Variants in LYPLAL1 observed in about 807,000 individuals in gnomAD.
LYPLAL1 encodes lysophospholipase like 1.
In LYPLAL1, 23 loss-of-function variants were observed where a neutral mutation model predicts 19.7. The observed-to-expected ratio is 1.17, with a 90% CI of 0.84 to 1.65. LYPLAL1 has a LOEUF of 1.65. LYPLAL1 is among the 40% of genes most tolerant of loss of function. The pLI, the probability that LYPLAL1 is intolerant of heterozygous loss-of-function variation, is 0.00. For missense variants in LYPLAL1, 355 were observed against 279.4 expected, an observed-to-expected ratio of 1.27 and a Z score of -1.93; for synonymous variants, 119 against 96.3, an observed-to-expected ratio of 1.24 and a Z score of -1.38.
chr1:219,313,041 A>T, the LYPLAL1 span, among the ~76,000 whole-genome samples: 41 of 152,298 alleles, frequency 2.7e-4, no homozygotes, highest in Non-Finnish European at 5.6e-4. Flanking sequence ...TATTGTGACT[A>T]TGCCTTATCT....
the LYPLAL1 span, among the ~76,000 whole-genome samples, chr1:219,374,310 C>G: frequency 6.6e-6 from 1 of 151,958 alleles, no homozygotes; most frequent in Non-Finnish European, 1.5e-5. Context: ...CATTATTAAC[C>G]ATATGACCAT....
the LYPLAL1 span, among the ~76,000 whole-genome samples, chr1:219,346,460 ATTTT>A: frequency 2.6e-4 from 36 of 136,320 alleles, no homozygotes; most frequent in African/African-American, 9.4e-4. Flanking sequence ...GTCAATTTCT[ATTTT>A]TTTTTTTTTT....
the LYPLAL1 span, among the ~76,000 whole-genome samples, chr1:219,219,501 C>T: frequency 2.6e-5 from 4 of 152,194 alleles, no homozygotes; most frequent in Non-Finnish European, 5.9e-5. Flanking sequence ...TCAGTGTGGT[C>T]TTCTGGCCAT....
At chr1:219,205,334 G>A (rs1370625576) in intron 3 of LYPLAL1, among the ~76,000 whole-genome samples, 3 of 143,058 alleles carry the variant, frequency 2.1e-5, no homozygotes, top group Non-Finnish European at 4.5e-5. Flanking sequence ...TCCGCAGTCC[G>A]GCCTGGGCGA....
Position 219,174,136 on chromosome 1 carries a change from G to A in LYPLAL1, c.91+155G>A, listed in dbSNP as rs567002969. On this transcript the variant is annotated intron_variant, in intron 1 of 4. Coordinates refer to ENST00000366928, the MANE Select transcript of LYPLAL1 (RefSeq NM_138794.5). The stretch of plus-strand genomic sequence containing the variant: ...AGCCCCGGCTGTAGATGCACGGGCA[G>A]CGCCACCTGCCCCCAGCCTCCCCCG... 8 of 1,452,012 alleles carry A rather than the reference G, an allele frequency of 5.5e-6. No individual in the cohort carries two copies. The East Asian group carries it at 1.8e-4, about 32-fold the overall frequency. The allele number at this position is 1,452,012 out of a possible 1,614,324, so 89.9% of individuals were successfully genotyped here.
At chr1:219,333,541 G>T in the LYPLAL1 span, among the ~76,000 whole-genome samples, 1 of 152,006 alleles carries the variant, frequency 6.6e-6, no homozygotes, top group Non-Finnish European at 1.5e-5. Context: ...TCTCATTCTG[G>T]AGTAGGCCTT....
chr1:219,337,800 T>A, the LYPLAL1 span, among the ~76,000 whole-genome samples: 1 of 151,636 alleles, frequency 6.6e-6, no homozygotes, highest in Admixed American at 6.6e-5. Context: ...AGGACCAAAC[T>A]GTGTATTGCA....
At chr1:219,195,012 A>G (rs1022700425) in intron 3 of LYPLAL1, among the ~76,000 whole-genome samples, 2 of 152,080 alleles carry the variant, frequency 1.3e-5, no homozygotes, top group African/African-American at 4.8e-5. Context: ...ACGTGATGGC[A>G]TAATGGTGAC....
At chr1:219,443,915 G>A in the LYPLAL1 span, among the ~76,000 whole-genome samples, 1 of 152,150 alleles carries the variant, frequency 6.6e-6, no homozygotes, top group African/African-American at 2.4e-5. Context: ...CATTCCCATT[G>A]CAGGGCCCAC....
Position 219,210,667 on chromosome 1 carries a change from A to C in LYPLAL1, c.477+20A>C. On this transcript the variant is annotated intron_variant, in intron 4 of 4. Transcript: ENST00000366928. ...TACCAGGTAAGTTCCAGATTTAAAA[A>C]AAAATGAAAAAAATATGAAATATAT... 2 of 1,584,698 alleles carry C rather than the reference A, an allele frequency of 1.3e-6. No individual in the cohort carries two copies. The highest frequency in any genetic ancestry group is 1.7e-6 in the Non-Finnish European group (2 of 1,167,754).
the LYPLAL1 span, among the ~76,000 whole-genome samples, chr1:219,260,829 A>C: frequency 1.3e-5 from 2 of 151,722 alleles, no homozygotes; most frequent in Admixed American, 6.6e-5. Flanking sequence ...TGAAGACAAA[A>C]AAACCTTTAA....
chr1:219,360,486 A>G, the LYPLAL1 span, among the ~76,000 whole-genome samples: 1 of 152,324 alleles, frequency 6.6e-6, no homozygotes. Context: ...GTAAGTTCCT[A>G]TGAGAGAAAA....
the LYPLAL1 span, among the ~76,000 whole-genome samples, chr1:219,286,052 G>A: frequency 1.3e-5 from 2 of 152,090 alleles, no homozygotes; most frequent in Non-Finnish European, 2.9e-5. Flanking sequence ...GCATTTGGAG[G>A]GCTGCAGGTC....
the LYPLAL1 span, among the ~76,000 whole-genome samples, chr1:219,236,739 G>GT: frequency 2.0e-5 from 3 of 152,118 alleles, no homozygotes; most frequent in African/African-American, 7.2e-5. Context: ...CCAGTTGCCT[G>GT]TAAGAGAAAT....
chr1:219,400,133 G>A, the LYPLAL1 span, among the ~76,000 whole-genome samples: 1 of 151,992 alleles, frequency 6.6e-6, no homozygotes, highest in Admixed American at 6.6e-5. Flanking sequence ...ATCGTCGTGC[G>A]GGGTTCCCAG....
the LYPLAL1 span, among the ~76,000 whole-genome samples, chr1:219,248,885 A>G: frequency 0.47 from 70,647 of 151,802 alleles, 16,809 homozygotes; most frequent in East Asian, 0.66. Context: ...AGAAACAAGC[A>G]CTTTGGCATA....
the LYPLAL1 span, among the ~76,000 whole-genome samples, chr1:219,320,776 T>G: frequency 6.6e-6 from 1 of 152,220 alleles, no homozygotes; most frequent in Admixed American, 6.5e-5. Flanking sequence ...AAACTCATCC[T>G]TTTTTATTGC....
chr1:219,439,830 T>C, the LYPLAL1 span, among the ~76,000 whole-genome samples: 1 of 151,596 alleles, frequency 6.6e-6, no homozygotes, highest in East Asian at 1.9e-4. Context: ...TATAACAAAA[T>C]TAAGTTTGAA....
chr1:219,316,523 C>T, the LYPLAL1 span, among the ~76,000 whole-genome samples: 2 of 152,004 alleles, frequency 1.3e-5, no homozygotes, highest in African/African-American at 4.8e-5. Flanking sequence ...TATATTGATT[C>T]TTCTTTGAGT....
Sources: allele counts gnomAD v4.1 joint callset (sites outside exome capture counted in the v4.1 genomes callset), GRCh38; gene constraint gnomAD v4.1.1; transcripts MANE v1.5; gene names NCBI Gene and HGNC (gene_info 2026-07-23, HGNC 2026-07-21).